Variants in PLCB1 observed in about 807,000 individuals in gnomAD.
The protein encoded by PLCB1 is phospholipase C beta 1, also known as 1-phosphatidylinositol 4,5-bisphosphate phosphodiesterase beta-1.
A neutral mutation model predicts 161.8 loss-of-function variants in PLCB1; 46 were observed. The observed-to-expected ratio is 0.28, with a 90% CI of 0.22 to 0.36. The LOEUF is 0.36. Ranked by LOEUF, PLCB1 falls within the 10% of genes least tolerant of loss-of-function variation. PLCB1 has a pLI of 1.00. For synonymous variants in PLCB1, 517 were observed against 503.7 expected (o/e 1.03, Z -0.35); for missense variants, 1,016 against 1,472.5 (o/e 0.69, Z 5.07).
At chr20:8,787,601 C>G (rs1983551182) in intron 27 of PLCB1, among the ~76,000 whole-genome samples, 1 of 152,330 alleles carries the variant, frequency 6.6e-6, no homozygotes, top group East Asian at 1.9e-4. Context: ...CACCTGAAAA[C>G]CTTGCAGAAG....
At chr20:8,531,830 T>A in intron 3 of PLCB1, among the ~76,000 whole-genome samples, 1 of 152,094 alleles carries the variant, frequency 6.6e-6, no homozygotes, top group East Asian at 1.9e-4. Flanking sequence ...AAATAAAAAA[T>A]TGTTTCCACT....
chr20:8,242,278 A>G (rs543919224), intron 2 of PLCB1, among the ~76,000 whole-genome samples: 2 of 152,072 alleles, frequency 1.3e-5, no homozygotes, highest in African/African-American at 4.8e-5. Context: ...CCTCAGTGCC[A>G]GATTCCACGG....
In PLCB1 at chr20:8,881,801, G is replaced by C; in HGVS notation, c.3603G>C (p.Glu1201Asp). Residue 1201 changes from glutamate (E) to aspartate (D), a missense_variant, in exon 32 of 32, where the codon GAG becomes GAC. This residue lies in a region of PLCB1 where 398 missense variants were observed against 445.4 expected (regional missense o/e 0.89). Coordinates refer to ENST00000338037, the MANE Select transcript of PLCB1 (RefSeq NM_015192.4). ...TGAACCACAAGACTCCCTCCAGTGA[G>C]GAGCTGGGAGGAGACATCCCAGGAA... ...GKVNHKTPSS[E>D]ELGGDIPGKE... 1 of 1,614,112 alleles carries C rather than the reference G, an allele frequency of 6.2e-7. No homozygotes were observed. Among genetic ancestry groups the C allele is most frequent in the Non-Finnish European group, 8.5e-7 (1 of 1,179,964 alleles).
At chr20:8,823,084 G>T (rs901969892) in intron 31 of PLCB1, among the ~76,000 whole-genome samples, 2 of 152,136 alleles carry the variant, frequency 1.3e-5, no homozygotes, top group African/African-American at 2.4e-5. Context: ...CAGTGTATAA[G>T]TGGATGTGCA....
chr20:8,787,881 C>T (rs1323346637), intron 27 of PLCB1, among the ~76,000 whole-genome samples: 4 of 152,178 alleles, frequency 2.6e-5, no homozygotes, highest in African/African-American at 4.8e-5. Context: ...AAATTACCCA[C>T]GCAAGAACAT....
intron 12 of PLCB1, among the ~76,000 whole-genome samples, chr20:8,709,600 T>C (rs1978881302): frequency 6.6e-6 from 1 of 152,202 alleles, no homozygotes; most frequent in South Asian, 2.1e-4. Context: ...TCCAAGTAAT[T>C]TGTAACATGT....
At chr20:8,279,380 G>A (rs1241918098) in intron 2 of PLCB1, among the ~76,000 whole-genome samples, 4 of 152,138 alleles carry the variant, frequency 2.6e-5, no homozygotes, top group Non-Finnish European at 4.4e-5. Flanking sequence ...CAGTCACAAC[G>A]GACAAATATT....
chr20:8,260,601 G>T (rs1259376894), intron 2 of PLCB1, among the ~76,000 whole-genome samples: 1 of 151,996 alleles, frequency 6.6e-6, no homozygotes, highest in African/African-American at 2.4e-5. Flanking sequence ...TCTGTCCAAG[G>T]TGCTGTTATA....
chr20:8,390,426 T>C (rs1987553753), intron 3 of PLCB1, among the ~76,000 whole-genome samples: 1 of 152,144 alleles, frequency 6.6e-6, no homozygotes, highest in Non-Finnish European at 1.5e-5. Flanking sequence ...TATTACCTTC[T>C]AAATTACTGG....
intron 3 of PLCB1, among the ~76,000 whole-genome samples, chr20:8,428,433 C>T (rs561651467): frequency 1.2e-4 from 18 of 152,352 alleles, no homozygotes; most frequent in African/African-American, 4.3e-4. Flanking sequence ...GTTGGCCAGG[C>T]TGGTCTCCAA....
chr20:8,477,470 T>C (rs1982328724), intron 3 of PLCB1, among the ~76,000 whole-genome samples: 1 of 152,196 alleles, frequency 6.6e-6, no homozygotes, highest in Non-Finnish European at 1.5e-5. Context: ...ACACCAAAAA[T>C]GTATCAACTT....
At chr20:8,820,045 A>C (rs1985262980) in intron 31 of PLCB1, among the ~76,000 whole-genome samples, 1 of 148,820 alleles carries the variant, frequency 6.7e-6, no homozygotes, top group Non-Finnish European at 1.5e-5. Flanking sequence ...ATACTACCTA[A>C]AATGCCATAT....
intron 3 of PLCB1, among the ~76,000 whole-genome samples, chr20:8,458,324 T>A (rs1981419890): frequency 2.0e-5 from 3 of 152,354 alleles, no homozygotes; most frequent in Middle Eastern, 3.4e-3. Flanking sequence ...TTTGTATATT[T>A]CATCTCTCAT....
At chr20:8,814,946 G>C (rs1374015055) in intron 31 of PLCB1, among the ~76,000 whole-genome samples, 2 of 152,088 alleles carry the variant, frequency 1.3e-5, no homozygotes, top group Non-Finnish European at 2.9e-5. Flanking sequence ...GCTTTTCTTA[G>C]CAAACAGATT....
rs184066725 is a variant in PLCB1 at position 8,458,054 on chromosome 20, G to C, written c.246+86604G>C. 1.4e-4 allele frequency among the ~76,000 whole-genome samples: 21 copies of C among 152,290 alleles called. 1 individual carries two copies. In the South Asian group the frequency reaches 3.3e-3, roughly 24 times the overall value. On this transcript the variant is annotated intron_variant, in intron 3 of 31. Coordinates refer to ENST00000338037, the MANE Select transcript of PLCB1 (RefSeq NM_015192.4). ...GAGTGAAACAAAGAGCAGGTTCCAG[G>C]TACGCTGTGGCATGAGGAAGCTGGA...
chr20:8,538,199 C>G (rs533757299), intron 3 of PLCB1, among the ~76,000 whole-genome samples: 18 of 152,102 alleles, frequency 1.2e-4, no homozygotes, highest in African/African-American at 3.9e-4. Flanking sequence ...TTGAAATATT[C>G]ACATATCTTA....
intron 31 of PLCB1, among the ~76,000 whole-genome samples, chr20:8,823,015 A>G (rs1373031200): frequency 6.6e-6 from 1 of 152,212 alleles, no homozygotes; most frequent in Admixed American, 6.5e-5. Context: ...GTTAGGTATT[A>G]TCATTATTCC....
At chr20:8,610,295 G>A (rs1987870237) in intron 3 of PLCB1, among the ~76,000 whole-genome samples, 1 of 152,156 alleles carries the variant, frequency 6.6e-6, no homozygotes, top group Non-Finnish European at 1.5e-5. Context: ...GTTAATCCAT[G>A]TTGTAGCATA....
intron 3 of PLCB1, among the ~76,000 whole-genome samples, chr20:8,525,928 A>AT (rs34068743): frequency 6.6e-6 from 1 of 151,748 alleles, no homozygotes; most frequent in African/African-American, 2.4e-5. Flanking sequence ...AATTTTTAGT[A>AT]TTTTTTTTCC....
Sources: allele counts gnomAD v4.1 joint callset (sites outside exome capture counted in the v4.1 genomes callset), GRCh38; gene constraint gnomAD v4.1.1; regional missense constraint gnomAD v4.1.1; transcripts MANE v1.5; gene names NCBI Gene and HGNC (gene_info 2026-07-23, HGNC 2026-07-21).